ZDHHC14: variants seen among roughly 807,000 people sequenced by gnomAD.
ZDHHC14 encodes the protein zDHHC palmitoyltransferase 14.
Under a neutral mutation model 47.7 loss-of-function variants are expected in ZDHHC14, and 16 were observed. The ratio of observed to expected loss-of-function variants is 0.34; its 90% CI spans 0.23 to 0.51. ZDHHC14 has a LOEUF of 0.51. ZDHHC14 is among the 20% of genes least tolerant of loss of function. ZDHHC14 has a pLI of 0.97. For synonymous variants in ZDHHC14, 293 were observed against 278.9 expected, an observed-to-expected ratio of 1.05 and a Z score of -0.50; for missense variants, 515 against 662.5, an observed-to-expected ratio of 0.78 and a Z score of 2.44.
At chr6:157,653,728 G>C in intron 8 of ZDHHC14, 101 bp downstream of exon 8, 2 of 1,226,492 alleles carry the variant, frequency 1.6e-6, no homozygotes, top group Non-Finnish European at 2.3e-6. Context: ...CCCCAGGAGC[G>C]GGGGCAGCCC....
intron 2 of ZDHHC14, among the ~76,000 whole-genome samples, chr6:157,564,353 T>C (rs898818844): frequency 6.6e-6 from 1 of 151,966 alleles, no homozygotes. Flanking sequence ...AGAAGTGGGG[T>C]TGGGGGGAAG....
chr6:157,471,487 A>T (rs1779354329), intron 1 of ZDHHC14, among the ~76,000 whole-genome samples: 1 of 152,144 alleles, frequency 6.6e-6, no homozygotes, highest in South Asian at 2.1e-4. Flanking sequence ...GGGTCTTCAC[A>T]GGGCAATTCC....
At chr6:157,653,690 G>C in intron 8 of ZDHHC14, 63 bp downstream of exon 8, 1 of 1,532,408 alleles carries the variant, frequency 6.5e-7, no homozygotes, top group Non-Finnish European at 8.9e-7. Flanking sequence ...TCACTAACAG[G>C]CCACCAAGCA....
At chr6:157,665,533 G>GCCATCTTGCCTGCCATCT (rs2115008285) in intron 8 of ZDHHC14, among the ~76,000 whole-genome samples, 1 of 152,304 alleles carries the variant, frequency 6.6e-6, no homozygotes, top group Non-Finnish European at 1.5e-5. Context: ...TTTAGGACCA[G>GCCATCTTGCCTGCCATCT]TATCCGGATA....
intron 1 of ZDHHC14, among the ~76,000 whole-genome samples, chr6:157,531,295 C>T (rs975132178): frequency 6.6e-6 from 1 of 152,128 alleles, no homozygotes; most frequent in African/African-American, 2.4e-5. Flanking sequence ...GCCCCTGCCC[C>T]CCCCGGACAT....
chr6:157,660,027 T>C (rs1299711780), intron 8 of ZDHHC14, among the ~76,000 whole-genome samples: 1 of 152,132 alleles, frequency 6.6e-6, no homozygotes, highest in Non-Finnish European at 1.5e-5. Context: ...CTAATATTGA[T>C]ACTATCATTG....
intron 3 of ZDHHC14, among the ~76,000 whole-genome samples, chr6:157,626,728 C>G (rs1785437756): frequency 6.6e-6 from 1 of 152,180 alleles, no homozygotes; most frequent in Non-Finnish European, 1.5e-5. Flanking sequence ...GTGGTACATT[C>G]TGTGGCTTTG....
chr6:157,513,706 G>A (rs1378163675), intron 1 of ZDHHC14, among the ~76,000 whole-genome samples: 1 of 152,154 alleles, frequency 6.6e-6, no homozygotes, highest in Non-Finnish European at 1.5e-5. Context: ...TGTTGATTAT[G>A]ATATGATTGT....
chr6:157,515,457 C>CTTTTTTTTTT (rs1187323622), intron 1 of ZDHHC14, among the ~76,000 whole-genome samples: 6 of 129,446 alleles, frequency 4.6e-5, no homozygotes, highest in Non-Finnish European at 6.7e-5. Flanking sequence ...TTTTCTTTTT[C>CTTTTTTTTTT]TTTTTTTTTT....
Position 157,475,135 on chromosome 6 carries a change from A to G in ZDHHC14, c.246-67450A>G, listed in dbSNP as rs574348466. On this transcript the variant is annotated intron_variant, in intron 1 of 8. Coordinates refer to ENST00000359775, the MANE Select transcript of ZDHHC14 (RefSeq NM_024630.3). ...GTTTTCCTAGCATAATTTATTGAAG[A>G]GATTATCCTTTTTCCTTTGCGTGTT... 1.4e-4 allele frequency among the ~76,000 whole-genome samples: 22 copies of G among 152,244 alleles called. 1 individual carries two copies. In the South Asian group the frequency reaches 3.7e-3, roughly 26 times the overall value.
chr6:157,599,582 T>G (rs1784266135), intron 3 of ZDHHC14, among the ~76,000 whole-genome samples: 1 of 152,230 alleles, frequency 6.6e-6, no homozygotes, highest in South Asian at 2.1e-4. Flanking sequence ...ACAGGAAGTT[T>G]ACTTTAATGG....
intron 1 of ZDHHC14, among the ~76,000 whole-genome samples, chr6:157,411,760 A>AG (rs1397239184): frequency 6.6e-6 from 1 of 151,710 alleles, no homozygotes; most frequent in Non-Finnish European, 1.5e-5. Flanking sequence ...GGTAAAAAAA[A>AG]AAAAAAAAAA....
intron 7 of ZDHHC14, among the ~76,000 whole-genome samples, chr6:157,651,855 A>G (rs1009292774): frequency 7.9e-5 from 12 of 152,114 alleles, no homozygotes; most frequent in Admixed American, 1.3e-4. Flanking sequence ...TACAGGCGTG[A>G]GCCACTGCGC....
At chr6:157,459,674 G>C (rs886748267) in intron 1 of ZDHHC14, among the ~76,000 whole-genome samples, 3 of 152,112 alleles carry the variant, frequency 2.0e-5, no homozygotes, top group Non-Finnish European at 4.4e-5. Context: ...GGGGTGGCCT[G>C]TGCGCCCCAA....
In ZDHHC14 at chr6:157,462,775, C is replaced by G. The variant is rs190604535; in HGVS notation, c.246-79810C>G. On this transcript the variant is annotated intron_variant, in intron 1 of 8. Transcript: ENST00000359775. ...TCTGTTTGAAGTGCCCAGCCCAGTG[C>G]CCCCCAGCCCTGGAGGGCCTGGCGG... Among the ~76,000 whole-genome samples the G allele has an allele frequency of 5.2e-3, 793 of 152,346 alleles. 7 individuals carry two copies. Among genetic ancestry groups the G allele is most frequent in the African/African-American group, 0.017 (727 of 41,568 alleles).
chr6:157,672,799 CCCAGCCTCA>C lies in ZDHHC14; in HGVS notation c.1150_1158del (p.Leu384_Ser386del), dbSNP rs1317691940. 2 of 1,612,760 alleles carry C rather than the reference CCCAGCCTCA, an allele frequency of 1.2e-6. No homozygotes were observed. The highest frequency in any genetic ancestry group is 2.7e-5 in the African/African-American group (2 of 74,988). ...AGCCACGCCCCTGCTGCAGAGCGAG[CCCAGCCTCA>C]CCAGCGACGAGCTGCACCTGCCCGG... On this transcript the variant is annotated inframe_deletion, in exon 9 of 9. Coordinates refer to ENST00000359775, the MANE Select transcript of ZDHHC14 (RefSeq NM_024630.3).
At position 157,523,826 on chromosome 6, in the gene ZDHHC14, A is replaced by G. The variant is rs146187764; in HGVS notation, c.246-18759A>G. Among the ~76,000 whole-genome samples, 737 of 152,150 alleles carry G rather than the reference A, an allele frequency of 4.8e-3. 5 individuals are homozygous for G. The highest frequency in any genetic ancestry group is 0.017 in the African/African-American group (707 of 41,484). ...TGAGGTGGGAGGATTGCTTGAGCGCAAGAAATGGGGGCTGCAGTGGGCCGT... is the reference window on the plus strand; with the variant it reads ...TGAGGTGGGAGGATTGCTTGAGCGCGAGAAATGGGGGCTGCAGTGGGCCGT... On this transcript the variant is annotated intron_variant, in intron 1 of 8. Transcript: ENST00000359775.
intron 2 of ZDHHC14, among the ~76,000 whole-genome samples, chr6:157,571,878 C>G (rs1167242723): frequency 1.3e-5 from 2 of 148,758 alleles, no homozygotes; most frequent in East Asian, 4.0e-4. Context: ...AGTTGGCTGA[C>G]TTGCTGTTAA....
intron 3 of ZDHHC14, among the ~76,000 whole-genome samples, chr6:157,598,756 A>G (rs1461610210): frequency 6.6e-6 from 1 of 152,256 alleles, no homozygotes; most frequent in African/African-American, 2.4e-5. Flanking sequence ...AGAGTATGCC[A>G]GTGTATAAGT....
Sources: gnomAD v4.1 joint callset for allele counts (sites outside exome capture counted in the v4.1 genomes callset) on GRCh38, gnomAD v4.1.1 for gene constraint, MANE v1.5 for transcripts, NCBI Gene and HGNC (gene_info 2026-07-23, HGNC 2026-07-21) for gene names.